Variants in MAP3K4 observed in about 807,000 individuals in gnomAD.
The protein encoded by MAP3K4 is mitogen-activated protein kinase kinase kinase 4, also known as MAP three kinase 1.
In MAP3K4, 67 loss-of-function variants were observed where a neutral mutation model predicts 185.6. The observed-to-expected ratio is 0.36, with a 90% CI of 0.30 to 0.44. The LOEUF is 0.44. Among genes scored for constraint, MAP3K4 ranks in the 20% least tolerant of loss-of-function variants. The pLI is 1.00. For synonymous variants in MAP3K4, 702 were observed against 710.4 expected (o/e 0.99, Z 0.19); for missense variants, 1,551 against 1,995.1 (o/e 0.78, Z 4.24).
At chr6:161,030,495 T>C (rs1403616087) in intron 1 of MAP3K4, among the ~76,000 whole-genome samples, 3 of 152,046 alleles carry the variant, frequency 2.0e-5, no homozygotes, top group Non-Finnish European at 4.4e-5. Flanking sequence ...CAGGCTGGAG[T>C]GCAGTGGTGC....
Position 161,087,591 on chromosome 6 carries a change from T to G in MAP3K4, c.2557-97T>G. ...CAATTCATGCCCTTCCCACTTTCCC[T>G]TTCCCAAACCTGCCTCTCCTTTCCT... On this transcript the variant is annotated intron_variant, in intron 9 of 26. Coordinates refer to ENST00000392142, the MANE Select transcript of MAP3K4 (RefSeq NM_005922.4). The surrounding 1 kb of genome is among the most constrained non-coding windows in gnomAD (Gnocchi z 4.9). 1 of 1,346,344 alleles carries G rather than the reference T, an allele frequency of 7.4e-7. No homozygotes were observed. Among genetic ancestry groups the G allele is most frequent in the Non-Finnish European group, 1.0e-6 (1 of 959,352 alleles). The allele number at this position is 1,346,344 out of a possible 1,614,324, so 83.4% of individuals were successfully genotyped here.
chr6:161,059,491 G>T (rs1322797081), intron 3 of MAP3K4, among the ~76,000 whole-genome samples: 1 of 151,962 alleles, frequency 6.6e-6, no homozygotes, highest in Non-Finnish European at 1.5e-5. Flanking sequence ...ATGTTTATTG[G>T]CCATTTGCAT....
At chr6:161,027,275 G>T (rs937635500) in intron 1 of MAP3K4, among the ~76,000 whole-genome samples, 1 of 152,158 alleles carries the variant, frequency 6.6e-6, no homozygotes, top group South Asian at 2.1e-4. Context: ...TTTCTGGTTT[G>T]TTCCTAAATC....
chr6:161,103,807 A>G lies in MAP3K4; in HGVS notation c.3856+1028A>G, dbSNP rs1777933877. ...GGTTAAAATGCCATTGCAGAAATTC[A>G]GTATAAATAATACGATACTGGACTA... is the stretch of plus-strand genomic sequence containing the variant. On this transcript the variant is annotated intron_variant, in intron 19 of 26. Transcript: ENST00000392142. This position sits in a 1 kb window ranked among gnomAD's most constrained non-coding sequence, Gnocchi z 4.6. Among the ~76,000 whole-genome samples the G allele has an allele frequency of 6.6e-6, 1 of 152,234 alleles. No individual in the cohort carries two copies. Among genetic ancestry groups the G allele is most frequent in the Non-Finnish European group, 1.5e-5 (1 of 68,048 alleles).
In MAP3K4 at chr6:161,096,244, G is replaced by A. The variant is rs901669617; in HGVS notation, c.3428-836G>A. On this transcript the variant is annotated intron_variant, in intron 15 of 26. Coordinates refer to ENST00000392142, the MANE Select transcript of MAP3K4 (RefSeq NM_005922.4). The surrounding 1 kb of genome is among the most constrained non-coding windows in gnomAD (Gnocchi z 4.9). ...TATTAATAGGAAACAAAATCATGAA[G>A]AAACAGGATTTCCATTTAGGATAAA... 3.3e-5 allele frequency among the ~76,000 whole-genome samples: 5 copies of A among 151,756 alleles called. No individual in the cohort carries two copies. Among genetic ancestry groups the A allele is most frequent in the African/African-American group, 1.2e-4 (5 of 41,204 alleles).
rs57670901 is a variant in MAP3K4 at position 161,066,388 on chromosome 6, CAA to C, written c.1708-4218_1708-4217del. Among the ~76,000 whole-genome samples, 1,137 of 151,790 alleles carry C rather than the reference CAA, an allele frequency of 7.5e-3. 12 individuals are homozygous for C. The highest frequency in any genetic ancestry group is 0.065 in the Middle Eastern group (19 of 294). On this transcript the variant is annotated intron_variant, in intron 3 of 26. Coordinates refer to ENST00000392142, the MANE Select transcript of MAP3K4 (RefSeq NM_005922.4). ...GACTTCCATGTCTCTTGTTTTTACT[CAA>C]AGTTTCCATTTCATCTTTTCTTTTT...
chr6:161,074,093 C>T lies in MAP3K4; in HGVS notation c.2097+481C>T, dbSNP rs2114823070. Among the ~76,000 whole-genome samples, 1 of 152,274 alleles carries T rather than the reference C, an allele frequency of 6.6e-6. No homozygotes were observed. Among genetic ancestry groups the T allele is most frequent in the South Asian group, 2.1e-4 (1 of 4,822 alleles). On this transcript the variant is annotated intron_variant, in intron 5 of 26. Transcript: ENST00000392142. This position sits in a 1 kb window ranked among gnomAD's most constrained non-coding sequence, Gnocchi z 5.0. ...TGAAGATCAACAAGACACTCGTAGT[C>T]TGGTGGGACTAGGCATGGTAGATGG...
chr6:161,011,583 T>C (rs1781844068), intron 1 of MAP3K4, among the ~76,000 whole-genome samples: 1 of 152,214 alleles, frequency 6.6e-6, no homozygotes, highest in African/African-American at 2.4e-5. Context: ...AAAATACTTC[T>C]GGAAATGCCA....
chr6:161,024,300 C>A (rs1459428664), intron 1 of MAP3K4, among the ~76,000 whole-genome samples: 1 of 152,120 alleles, frequency 6.6e-6, no homozygotes, highest in Non-Finnish European at 1.5e-5. Flanking sequence ...GAGACAGTTG[C>A]AAAGATAGTA....
chr6:161,012,168 C>G (rs1041160875), intron 1 of MAP3K4, among the ~76,000 whole-genome samples: 1 of 152,150 alleles, frequency 6.6e-6, no homozygotes, highest in Non-Finnish European at 1.5e-5. Flanking sequence ...AATCCAGGCC[C>G]AATAGTCCTG....
In MAP3K4 at chr6:161,114,019, A is replaced by T. The variant is rs936423974; in HGVS notation, c.4627-1104A>T. Among the ~76,000 whole-genome samples the T allele has an allele frequency of 6.6e-6, 1 of 151,612 alleles. No homozygotes were observed. Among genetic ancestry groups the T allele is most frequent in the Non-Finnish European group, 1.5e-5 (1 of 67,902 alleles). On this transcript the variant is annotated intron_variant, in intron 25 of 26. Coordinates refer to ENST00000392142, the MANE Select transcript of MAP3K4 (RefSeq NM_005922.4). This position sits in a 1 kb window ranked among gnomAD's most constrained non-coding sequence, Gnocchi z 4.3. ...ACTGTGTTGGCCAGGCTGGTCTCGA[A>T]CTCCTGACCTCATGATCCGCCTGCC...
rs752518266 is a variant in MAP3K4, at chr6:161,077,057, C to T, written c.2097+3445C>T. 6.6e-6 allele frequency among the ~76,000 whole-genome samples: 1 copy of T among 152,132 alleles called. No homozygotes were observed. The highest frequency in any genetic ancestry group is 1.5e-5 in the Non-Finnish European group (1 of 68,030). On this transcript the variant is annotated intron_variant, in intron 5 of 26. Transcript: ENST00000392142. This position sits in a 1 kb window ranked among gnomAD's most constrained non-coding sequence, Gnocchi z 4.3. ...TTGCAACTTATCGGAAATTTATATACATTATAATCCAGTTTAGGTAACAGA... is the reference window on the plus strand; with the variant it reads ...TTGCAACTTATCGGAAATTTATATATATTATAATCCAGTTTAGGTAACAGA...
chr6:161,034,547 G>T lies in MAP3K4; in HGVS notation c.343+98G>T. 4.0e-6 allele frequency: 4 copies of T among 1,004,010 alleles called. No individual in the cohort carries two copies. The highest frequency in any genetic ancestry group is 5.6e-6 in the Non-Finnish European group (4 of 712,558). The allele number at this position is 1,004,010 out of a possible 1,614,324, so 62.2% of individuals were successfully genotyped here. A position where few individuals can be genotyped will look rare whatever the true frequency, so the allele number is the denominator to read the frequency against. On this transcript the variant is annotated intron_variant, in intron 2 of 26. Transcript: ENST00000392142. This position sits in a 1 kb window ranked among gnomAD's most constrained non-coding sequence, Gnocchi z 4.4. ...TAGCAATTTCTTTTATTTTTAATTT[G>T]ATTTTAATGCTCCTGTAAAGTTCAA... is the stretch of plus-strand genomic sequence containing the variant.
Position 161,059,142 on chromosome 6 carries a change from A to ATTT in MAP3K4, c.1707+9172_1707+9174dup, listed in dbSNP as rs140627063. 1.4e-3 allele frequency among the ~76,000 whole-genome samples: 209 copies of ATTT among 150,004 alleles called. 1 individual carries two copies. The highest frequency in any genetic ancestry group is 8.0e-3 in the South Asian group (38 of 4,764). ...AAAATGTTATTTCATTGATTGATTG[A>ATTT]TTTTTTTTTTTAAGTCAGAGCCTCA... On this transcript the variant is annotated intron_variant, in intron 3 of 26. Coordinates refer to ENST00000392142, the MANE Select transcript of MAP3K4 (RefSeq NM_005922.4).
rs1246637280 is a variant in MAP3K4, at chr6:161,053,155, C to T, written c.1707+3176C>T. 6.6e-6 allele frequency among the ~76,000 whole-genome samples: 1 copy of T among 152,164 alleles called. No homozygotes were observed. The highest frequency in any genetic ancestry group is 1.5e-5 in the Non-Finnish European group (1 of 68,034). ...CAGCTTCTGGGGAGGCCTCAGGGAG[C>T]TATAGTCATGATGGAAGGCAAAGCC... On this transcript the variant is annotated intron_variant, in intron 3 of 26. Coordinates refer to ENST00000392142, the MANE Select transcript of MAP3K4 (RefSeq NM_005922.4). This position sits in a 1 kb window ranked among gnomAD's most constrained non-coding sequence, Gnocchi z 4.2.
chr6:161,009,844 C>T (rs930725970), intron 1 of MAP3K4, among the ~76,000 whole-genome samples: 1 of 152,054 alleles, frequency 6.6e-6, no homozygotes, highest in African/African-American at 2.4e-5. Flanking sequence ...AGGGGAACAA[C>T]ACTTACTGGG....
chr6:161,047,846 A>G (rs914718614), intron 2 of MAP3K4, among the ~76,000 whole-genome samples: 5 of 152,240 alleles, frequency 3.3e-5, no homozygotes, highest in Non-Finnish European at 7.3e-5. Flanking sequence ...GAATCAGATT[A>G]TAGAACCTCT....
At chr6:161,055,688 C>T (rs772637823) in intron 3 of MAP3K4, among the ~76,000 whole-genome samples, 1 of 152,168 alleles carries the variant, frequency 6.6e-6, no homozygotes, top group African/African-American at 2.4e-5. Flanking sequence ...GATATGTTCT[C>T]ATGATTAGAC....
rs7763075 is a variant in MAP3K4, at chr6:161,048,199, A to G, written c.344-417A>G. ...ACGTGATTTCCTCTTAAGTTTACAC[A>G]TTTAGCTAATGACAAATGCAGGAAT... On this transcript the variant is annotated intron_variant, in intron 2 of 26. Transcript: ENST00000392142. This position sits in a 1 kb window ranked among gnomAD's most constrained non-coding sequence, Gnocchi z 4.7. 6 of 527,364 alleles carry G rather than the reference A, an allele frequency of 1.1e-5. No homozygotes were observed. In the East Asian group the frequency reaches 2.8e-4, roughly 24 times the overall value. 32.7% of individuals were successfully genotyped at this position (527,364 alleles called of 1,614,324 possible). A position where few individuals can be genotyped will look rare whatever the true frequency, so the allele number is the denominator to read the frequency against.
Sources: allele counts gnomAD v4.1 joint callset (sites outside exome capture counted in the v4.1 genomes callset), GRCh38; gene constraint gnomAD v4.1.1; non-coding constraint Gnocchi (gnomAD v3.1); transcripts MANE v1.5; gene names NCBI Gene and HGNC (gene_info 2026-07-23, HGNC 2026-07-21).